Variants in PTPRT observed in about 807,000 individuals in gnomAD.
PTPRT encodes the protein receptor-type tyrosine-protein phosphatase T.
A neutral mutation model predicts 176.8 loss-of-function variants in PTPRT; 56 were observed. The ratio of observed to expected loss-of-function variants is 0.32; its 90% CI spans 0.26 to 0.40. PTPRT has a LOEUF of 0.40. PTPRT is among the 10% of genes least tolerant of loss of function. The pLI is 1.00. For missense variants in PTPRT, 1,540 were observed against 1,908.2 expected, an observed-to-expected ratio of 0.81 and a Z score of 3.60; for synonymous variants, 783 against 739.0, an observed-to-expected ratio of 1.06 and a Z score of -0.96.
chr20:42,473,121 T>C (rs1478570331), intron 7 of PTPRT, among the ~76,000 whole-genome samples: 1 of 152,154 alleles, frequency 6.6e-6, no homozygotes, highest in Non-Finnish European at 1.5e-5. Context: ...GCTTTAGGAT[T>C]TCCTCTCCTT....
intron 2 of PTPRT, among the ~76,000 whole-genome samples, chr20:42,857,752 T>C (rs1397832239): frequency 7.2e-5 from 11 of 152,186 alleles, no homozygotes; most frequent in Non-Finnish European, 1.6e-4. Flanking sequence ...ATCGTACTTA[T>C]TCACAAACAT....
chr20:42,620,368 T>C (rs984614498), intron 7 of PTPRT, among the ~76,000 whole-genome samples: 2 of 148,738 alleles, frequency 1.3e-5, no homozygotes, highest in Non-Finnish European at 3.0e-5. Flanking sequence ...GACACTTAAG[T>C]CTGTAGAGGT....
the PTPRT span, among the ~76,000 whole-genome samples, chr20:42,036,820 A>G: frequency 6.6e-6 from 1 of 152,160 alleles, no homozygotes. Flanking sequence ...CAGAGGACAA[A>G]CCTATACCTC....
At chr20:42,907,467 T>A (rs1271044253) in intron 1 of PTPRT, among the ~76,000 whole-genome samples, 1 of 151,366 alleles carries the variant, frequency 6.6e-6, no homozygotes, top group African/African-American at 2.4e-5. Context: ...ACATTGAAGT[T>A]TTTTTTTAAT....
At chr20:42,159,717 A>G (rs749364734) in intron 17 of PTPRT, among the ~76,000 whole-genome samples, 3 of 152,092 alleles carry the variant, frequency 2.0e-5, no homozygotes, top group African/African-American at 4.8e-5. Flanking sequence ...CCAAGCTTGT[A>G]ATTACTTACA....
intron 2 of PTPRT, among the ~76,000 whole-genome samples, chr20:42,884,001 T>C (rs1404634196): frequency 7.7e-6 from 1 of 130,632 alleles, no homozygotes; most frequent in Non-Finnish European, 1.7e-5. Flanking sequence ...ATACACACTA[T>C]AAGATCCAGA....
In PTPRT at chr20:42,080,820, C is replaced by A. The variant is rs531586184; in HGVS notation, c.*59G>T. The A allele has an allele frequency of 5.2e-6, 8 of 1,532,336 alleles. No individual in the cohort carries two copies. The highest frequency in any genetic ancestry group is 1.1e-5 in the South Asian group (1 of 89,246). 94.9% of individuals were successfully genotyped at this position (1,532,336 alleles called of 1,614,324 possible). ...CTGAGCCCAGTTACTGCCATTCACACAAAAGGGGGCTTGGTCACAGCAGCC... is the reference window on the plus strand; with the variant it reads ...CTGAGCCCAGTTACTGCCATTCACAAAAAAGGGGGCTTGGTCACAGCAGCC... On this transcript the variant is annotated 3_prime_UTR_variant, in exon 31 of 31. Transcript: ENST00000373187.
At chr20:42,465,718 G>A (rs999111187) in intron 8 of PTPRT, among the ~76,000 whole-genome samples, 3 of 152,072 alleles carry the variant, frequency 2.0e-5, no homozygotes, top group Non-Finnish European at 2.9e-5. Context: ...CAGGAATGGC[G>A]GTAATATTTT....
chr20:43,107,312 T>C (rs905402116), intron 1 of PTPRT, among the ~76,000 whole-genome samples: 4 of 152,080 alleles, frequency 2.6e-5, no homozygotes, highest in Admixed American at 6.6e-5. Flanking sequence ...TTCCCAACTA[T>C]TCACCACCTT....
chr20:42,364,527 T>C (rs2058488668), intron 9 of PTPRT, among the ~76,000 whole-genome samples: 2 of 152,172 alleles, frequency 1.3e-5, no homozygotes, highest in Admixed American at 6.5e-5. Flanking sequence ...ACATTTTTTT[T>C]TCTCCCTTCT....
At chr20:42,042,672 G>A in the PTPRT span, among the ~76,000 whole-genome samples, 1 of 152,130 alleles carries the variant, frequency 6.6e-6, no homozygotes, top group African/African-American at 2.4e-5. Flanking sequence ...TTCTTCATAT[G>A]TTACACAAAA....
chr20:42,627,747 T>C (rs987066679), intron 7 of PTPRT, among the ~76,000 whole-genome samples: 5 of 152,096 alleles, frequency 3.3e-5, no homozygotes, highest in African/African-American at 1.2e-4. Flanking sequence ...TTATTTCCTG[T>C]CTTTCGTATT....
At chr20:42,053,053 T>G in the PTPRT span, among the ~76,000 whole-genome samples, 1 of 152,212 alleles carries the variant, frequency 6.6e-6, no homozygotes, top group African/African-American at 2.4e-5. Flanking sequence ...CAATACATTA[T>G]TATTTATAAA....
intron 16 of PTPRT, among the ~76,000 whole-genome samples, chr20:42,174,986 T>C (rs771060211): frequency 5.3e-5 from 8 of 152,118 alleles, no homozygotes; most frequent in South Asian, 2.1e-4. Flanking sequence ...GAAGAAGAGA[T>C]AGTCATTTCT....
chr20:43,159,619 C>T (rs901386375), intron 1 of PTPRT, among the ~76,000 whole-genome samples: 10 of 152,216 alleles, frequency 6.6e-5, no homozygotes, highest in African/African-American at 2.2e-4. Flanking sequence ...TACTTGCTCA[C>T]AAGCCACACA....
chr20:42,606,109 A>T (rs1375317275), intron 7 of PTPRT, among the ~76,000 whole-genome samples: 2 of 152,188 alleles, frequency 1.3e-5, no homozygotes, highest in African/African-American at 4.8e-5. Context: ...CTTAGACCAC[A>T]TTGTGAGCCC....
chr20:42,600,496 A>C (rs1343915618), intron 7 of PTPRT, among the ~76,000 whole-genome samples: 1 of 152,080 alleles, frequency 6.6e-6, no homozygotes, highest in Non-Finnish European at 1.5e-5. Context: ...TTAAAGGTAC[A>C]ATTGTAGTTG....
At chr20:42,095,592 C>T (rs1484877028) in intron 27 of PTPRT, among the ~76,000 whole-genome samples, 1 of 152,204 alleles carries the variant, frequency 6.6e-6, no homozygotes, top group Non-Finnish European at 1.5e-5. Context: ...TTCTATGTCC[C>T]AGATCCAACG....
At chr20:42,219,993 A>G (rs1005618235) in intron 15 of PTPRT, among the ~76,000 whole-genome samples, 5 of 152,022 alleles carry the variant, frequency 3.3e-5, no homozygotes, top group Non-Finnish European at 7.4e-5. Context: ...TAACGAAATT[A>G]TTTCCCCATC....
Sources: gnomAD v4.1 joint callset for allele counts (sites outside exome capture counted in the v4.1 genomes callset) on GRCh38, gnomAD v4.1.1 for gene constraint, MANE v1.5 for transcripts, NCBI Gene and HGNC (gene_info 2026-07-23, HGNC 2026-07-21) for gene names.